The following RBFOX1 variants were observed in gnomAD, a reference collection of about 807,000 sequenced individuals.
RBFOX1 encodes RNA binding protein fox-1 homolog 1.
Under a neutral mutation model 57.7 loss-of-function variants are expected in RBFOX1, and 8 were observed. That is an observed-to-expected ratio of 0.14 (90% CI 0.08 to 0.25). The LOEUF is 0.25. RBFOX1 is among the 10% of genes least tolerant of loss of function. RBFOX1 has a pLI of 1.00. For synonymous variants in RBFOX1, 326 were observed against 222.4 expected (o/e 1.47, Z -4.15); for missense variants, 611 against 548.5 (o/e 1.11, Z -1.14).
intron 1 of RBFOX1, among the ~76,000 whole-genome samples, chr16:6,045,887 A>G (rs547374080): frequency 6.6e-6 from 1 of 152,320 alleles, no homozygotes; most frequent in South Asian, 2.1e-4. Flanking sequence ...ATTCCAGGAA[A>G]ACAGAAAAGC....
chr16:7,225,905 A>AATCAATAAATATATATATATAT (rs1555600462), intron 4 of RBFOX1, among the ~76,000 whole-genome samples: 34 of 93,736 alleles, frequency 3.6e-4, no homozygotes, highest in African/African-American at 1.4e-3. Flanking sequence ...AAGTATAATA[A>AATCAATAAATATATATATATAT]ATATATATAT....
chr16:5,339,470 G>GTTTT lies in RBFOX1; in HGVS notation c.219+99392_219+99395dup, dbSNP rs560472298. Among the ~76,000 whole-genome samples the GTTTT allele has an allele frequency of 6.4e-3, 262 of 40,880 alleles. 58 individuals carry two copies. Among genetic ancestry groups the GTTTT allele is most frequent in the African/African-American group, 0.013 (158 of 12,196 alleles). The allele number at this position is 40,880 out of a possible 152,430, so 26.8% of individuals were successfully genotyped here. ...AAAAGCTAGAAGCTGCTTTTTCCGT[G>GTTTT]TTTTTTTTTTTTTTTTTTTTTTTTT... On this transcript the variant is annotated intron_variant, in intron 1 of 2. Coordinates refer to the RBFOX1 transcript ENST00000585867.
intron 3 of RBFOX1, among the ~76,000 whole-genome samples, chr16:5,715,748 C>A (rs749978972): frequency 1.3e-5 from 2 of 152,156 alleles, no homozygotes; most frequent in Non-Finnish European, 2.9e-5. Flanking sequence ...TTTGAGATGC[C>A]TGTGCTGGAA....
At chr16:6,380,448 G>A (rs1340293662) in intron 2 of RBFOX1, among the ~76,000 whole-genome samples, 1 of 67,168 alleles carries the variant, frequency 1.5e-5, no homozygotes, top group South Asian at 5.2e-4. Flanking sequence ...TTTTTTTTTA[G>A]TAGAACTCAG....
At chr16:7,185,583 C>G (rs1243420499) in intron 4 of RBFOX1, among the ~76,000 whole-genome samples, 2 of 152,170 alleles carry the variant, frequency 1.3e-5, no homozygotes, top group African/African-American at 4.8e-5. Context: ...TCAAGAAACC[C>G]TGCCACTTTT....
At chr16:6,865,457 T>C (rs1404677298) in intron 3 of RBFOX1, among the ~76,000 whole-genome samples, 1 of 152,206 alleles carries the variant, frequency 6.6e-6, no homozygotes, top group Non-Finnish European at 1.5e-5. Context: ...ATTTCCTTTC[T>C]AGCCCCACAC....
intron 8 of RBFOX1, 21 bp from the exon 9 acceptor site, chr16:7,597,350 T>A (rs764307438): frequency 6.3e-7 from 1 of 1,588,248 alleles, no homozygotes; most frequent in South Asian, 1.1e-5. Context: ...ATGTGCTTAC[T>A]TGAGTTTTCT....
intron 4 of RBFOX1, chr16:7,304,544 C>T (rs539299470): frequency 7.1e-6 from 7 of 985,180 alleles, no homozygotes; most frequent in African/African-American, 1.7e-5. Flanking sequence ...GATGGGTCCC[C>T]GCGCGTACTG....
intron 4 of RBFOX1, among the ~76,000 whole-genome samples, chr16:7,457,331 T>A (rs1272402091): frequency 6.6e-6 from 1 of 152,230 alleles, no homozygotes; most frequent in East Asian, 1.9e-4. Flanking sequence ...CTGGGCCTCC[T>A]GACATTGGTG....
chr16:6,988,643 G>C (rs899561271), intron 3 of RBFOX1, among the ~76,000 whole-genome samples: 1 of 151,458 alleles, frequency 6.6e-6, no homozygotes, highest in Non-Finnish European at 1.5e-5. Context: ...TGCGATCTCG[G>C]CTCACTACAA....
At chr16:7,066,695 C>A (rs936424641) in intron 4 of RBFOX1, among the ~76,000 whole-genome samples, 2 of 152,150 alleles carry the variant, frequency 1.3e-5, no homozygotes, top group Admixed American at 6.5e-5. Context: ...AAGGTCCTTC[C>A]ACAGTCAGGA....
At chr16:5,822,466 A>C (rs1428559828) in intron 3 of RBFOX1, among the ~76,000 whole-genome samples, 1 of 152,196 alleles carries the variant, frequency 6.6e-6, no homozygotes, top group Non-Finnish European at 1.5e-5. Flanking sequence ...AAAAATAAAA[A>C]GTTATTTATA....
At chr16:6,390,230 C>T (rs866927080) in intron 2 of RBFOX1, among the ~76,000 whole-genome samples, 1 of 152,148 alleles carries the variant, frequency 6.6e-6, no homozygotes, top group Non-Finnish European at 1.5e-5. Flanking sequence ...TATCCGTAAA[C>T]CTGAGTCTTT....
At chr16:5,706,112 T>C (rs893352693) in intron 3 of RBFOX1, among the ~76,000 whole-genome samples, 1 of 152,232 alleles carries the variant, frequency 6.6e-6, no homozygotes, top group East Asian at 1.9e-4. Context: ...GGTTTCACCA[T>C]GTTGGCCAGG....
In RBFOX1 at chr16:5,947,173, G is replaced by C. The variant is rs1449256464; in HGVS notation, c.351+79838G>C. Among the ~76,000 whole-genome samples, 1 of 152,138 alleles carries C rather than the reference G, an allele frequency of 6.6e-6. No homozygotes were observed. Reference sequence around the variant, plus strand: ...TGAGGTTGCAGCGAGCCGTGATTCTGCCACTGCTCTCCAGCCTGGGTGGCA... The same window carrying C: ...TGAGGTTGCAGCGAGCCGTGATTCTCCCACTGCTCTCCAGCCTGGGTGGCA... On this transcript the variant is annotated intron_variant, in intron 4 of 19. Transcript: ENST00000641259. The surrounding 1 kb of genome is among the most constrained non-coding windows in gnomAD (Gnocchi z 7.2).
chr16:7,376,204 G>A (rs1158320062), intron 4 of RBFOX1, among the ~76,000 whole-genome samples: 1 of 152,198 alleles, frequency 6.6e-6, no homozygotes, highest in Non-Finnish European at 1.5e-5. Context: ...ATATGTTGAT[G>A]TGATACCATG....
chr16:5,719,906 T>C (rs1311026018), intron 3 of RBFOX1, among the ~76,000 whole-genome samples: 1 of 152,158 alleles, frequency 6.6e-6, no homozygotes, highest in East Asian at 1.9e-4. Context: ...TTGACTTCTC[T>C]CGAAAGTATA....
At chr16:6,673,032 A>G (rs1305431103) in intron 3 of RBFOX1, among the ~76,000 whole-genome samples, 1 of 152,204 alleles carries the variant, frequency 6.6e-6, no homozygotes, top group African/African-American at 2.4e-5. Context: ...AACAGGGGAA[A>G]GACAGCTCCC....
intron 1 of RBFOX1, among the ~76,000 whole-genome samples, chr16:6,185,661 A>C (rs549827025): frequency 6.6e-6 from 1 of 152,336 alleles, no homozygotes; most frequent in East Asian, 1.9e-4. Context: ...ATAATATTTC[A>C]CCCCTATACA....
Sources: gnomAD v4.1 joint callset for allele counts (sites outside exome capture counted in the v4.1 genomes callset) on GRCh38, gnomAD v4.1.1 for gene constraint, Gnocchi (gnomAD v3.1) non-coding constraint, MANE v1.5 for transcripts, NCBI Gene and HGNC (gene_info 2026-07-23, HGNC 2026-07-21) for gene names.